IL16: variants seen among roughly 807,000 people sequenced by gnomAD.
IL16 encodes interleukin 16, also known as pro-interleukin-16.
Under a neutral mutation model 110.1 loss-of-function variants are expected in IL16, and 67 were observed. That is an observed-to-expected ratio of 0.61 (90% CI 0.50 to 0.75). The LOEUF (loss-of-function observed/expected upper bound fraction) is 0.75, where lower values mean the gene tolerates loss of function less well. IL16 is among the 30% of genes least tolerant of loss of function. The probability of loss-of-function intolerance (pLI) is 0.00; values close to 1 mark genes in which losing one functional copy is unlikely to be tolerated. For synonymous variants in IL16, 689 were observed against 662.9 expected (o/e 1.04, Z -0.61); for missense variants, 1,545 against 1,655.0 (o/e 0.93, Z 1.15).
Position 81,305,893 on chromosome 15 carries a change from C to CT in IL16, c.3421-12dup. The CT allele has an allele frequency of 6.2e-7, 1 of 1,612,390 alleles. No homozygotes were observed. Among genetic ancestry groups the CT allele is most frequent in the Non-Finnish European group, 8.5e-7 (1 of 1,178,844 alleles). ...TTGTGTGATTTCTGGTCCTGACTTCCTTTGGTTTGCTCAGGTTCACAGAGT... is the reference window on the plus strand; with the variant it reads ...TTGTGTGATTTCTGGTCCTGACTTCCTTTTGGTTTGCTCAGGTTCACAGAGT... On this transcript the variant is annotated splice_polypyrimidine_tract_variant and intron_variant, in intron 16 of 18. Transcript: ENST00000683961.
rs367744921 is a variant in IL16, at chr15:81,204,676, A to G, written c.-102+7524A>G. 7.2e-5 allele frequency among the ~76,000 whole-genome samples: 11 copies of G among 152,214 alleles called. No homozygotes were observed. The East Asian group carries it at 9.7e-4, about 13-fold the overall frequency. Reference sequence around the variant, plus strand: ...TGGGTGCAGCACATCAACATGGCACATGTATACGTATGTAACAAACCTGCA... The same window carrying G: ...TGGGTGCAGCACATCAACATGGCACGTGTATACGTATGTAACAAACCTGCA... On this transcript the variant is annotated intron_variant, in intron 1 of 18. Transcript: ENST00000683961.
chr15:81,251,543 A>G (rs185267660), intron 2 of IL16, among the ~76,000 whole-genome samples: 384 of 152,306 alleles, frequency 2.5e-3, no homozygotes, highest in African/African-American at 8.9e-3. Flanking sequence ...ATTACAAACA[A>G]TGTGATGATG....
intron 4 of IL16, among the ~76,000 whole-genome samples, chr15:81,267,082 G>C (rs1354147310): frequency 6.6e-6 from 1 of 152,160 alleles, no homozygotes; most frequent in Non-Finnish European, 1.5e-5. Context: ...GAGTACACTG[G>C]AGCCCTCCAA....
At chr15:81,250,837 A>G (rs559866902) in intron 2 of IL16, among the ~76,000 whole-genome samples, 30 of 152,158 alleles carry the variant, frequency 2.0e-4, no homozygotes, top group Admixed American at 2.0e-3. Context: ...GAGGGAGGGG[A>G]TTAATTTATT....
chr15:81,296,568 C>T (rs556342965), intron 12 of IL16, among the ~76,000 whole-genome samples: 1 of 152,192 alleles, frequency 6.6e-6, no homozygotes, highest in African/African-American at 2.4e-5. Context: ...CTGCCCTATA[C>T]CCTCCCGGGG....
intron 12 of IL16, 94 bp from the exon 13 acceptor site, chr15:81,296,834 T>C (rs1900007737): frequency 1.8e-6 from 2 of 1,127,450 alleles, no homozygotes; most frequent in African/African-American, 3.1e-5. Flanking sequence ...AGCAGCTCAA[T>C]ATCCGTTTTT....
intron 2 of IL16, among the ~76,000 whole-genome samples, chr15:81,232,955 G>A (rs1312127691): frequency 6.6e-6 from 1 of 152,030 alleles, no homozygotes; most frequent in African/African-American, 2.4e-5. Context: ...TTTTAAAATG[G>A]TTGAAGAATT....
intron 1 of IL16, among the ~76,000 whole-genome samples, chr15:81,203,397 A>T (rs1895894431): frequency 6.6e-6 from 1 of 152,156 alleles, no homozygotes; most frequent in South Asian, 2.1e-4. Flanking sequence ...GTCCTTGCCC[A>T]TGCCTATGTC....
At chr15:81,196,339 T>G (rs900251826), upstream of IL16, among the ~76,000 whole-genome samples, 1 of 152,256 alleles carries the variant, frequency 6.6e-6, no homozygotes, top group Non-Finnish European at 1.5e-5. Context: ...TTTCTTTGTC[T>G]GCAAAGCAGG....
Position 81,261,176 on chromosome 15 carries a change from T to G in IL16, c.421+1296T>G, listed in dbSNP as rs535589087. On this transcript the variant is annotated intron_variant, in intron 3 of 18. Coordinates refer to ENST00000683961, the MANE Select transcript of IL16 (RefSeq NM_172217.5). ...GCTATACAATTGGTAGGACTCACTG[T>G]AAAATGAAAAGGCACGATTGCTGTT... 4.3e-4 allele frequency among the ~76,000 whole-genome samples: 65 copies of G among 152,382 alleles called. 1 individual carries two copies. Among genetic ancestry groups the G allele is most frequent in the African/African-American group, 1.5e-3 (62 of 41,594 alleles).
intron 2 of IL16, among the ~76,000 whole-genome samples, chr15:81,232,042 GTTTTTTTTTTTT>G: frequency 1.4e-4 from 8 of 57,696 alleles, no homozygotes; most frequent in South Asian, 5.7e-4. Flanking sequence ...ATTTGTTCTT[GTTTTTTTTTTTT>G]TTTTTTTTTT....
At chr15:81,243,281 T>C (rs557908986) in intron 2 of IL16, among the ~76,000 whole-genome samples, 79 of 137,402 alleles carry the variant, frequency 5.7e-4, no homozygotes, top group Middle Eastern at 8.8e-3. Flanking sequence ...GCTCAAGAAA[T>C]CCTCCCACCT....
chr15:81,289,209 C>A (rs942202061), intron 10 of IL16, among the ~76,000 whole-genome samples: 1 of 152,154 alleles, frequency 6.6e-6, no homozygotes, highest in African/African-American at 2.4e-5. Flanking sequence ...CGCAGTGGCA[C>A]GATCTTGGCT....
chr15:81,268,253 G>A (rs778628213), intron 4 of IL16, among the ~76,000 whole-genome samples: 1 of 152,216 alleles, frequency 6.6e-6, no homozygotes, highest in Non-Finnish European at 1.5e-5. Context: ...AGAGCAGCTC[G>A]TTATCCAGGG....
Position 81,299,820 on chromosome 15 carries a change from G to T in IL16, c.2494G>T (p.Ala832Ser), listed in dbSNP as rs140746325. ...SREHLGSHIR[A>S]SSSSSSIRQR... ...GGAGCACCTAGGATCACACATCCGG[G>T]CCTCCTCCTCCTCCTCCTCCATCAG... Residue 832 changes from alanine (A) to serine (S), a missense_variant, in exon 14 of 19, where the codon GCC (alanine) becomes TCC (serine). Coordinates refer to ENST00000683961, the MANE Select transcript of IL16 (RefSeq NM_172217.5). 1 of 1,606,350 alleles carries T rather than the reference G, an allele frequency of 6.2e-7. No individual in the cohort carries two copies. Among genetic ancestry groups the T allele is most frequent in the African/African-American group, 1.3e-5 (1 of 74,774 alleles).
At chr15:81,232,784 G>A (rs916973422) in intron 2 of IL16, among the ~76,000 whole-genome samples, 6 of 152,094 alleles carry the variant, frequency 3.9e-5, no homozygotes, top group Non-Finnish European at 7.4e-5. Flanking sequence ...AGTAATTGTT[G>A]CCCCTTGTGT....
At chr15:81,184,454 G>A (rs931809344) in intron 1 of IL16, among the ~76,000 whole-genome samples, 2 of 152,222 alleles carry the variant, frequency 1.3e-5, no homozygotes, top group African/African-American at 4.8e-5. Context: ...ATCTTATGGG[G>A]TTTTGTATCC....
At position 81,262,175 on chromosome 15, in the gene IL16, A is replaced by C; in HGVS notation, c.421+2295A>C. Among the ~76,000 whole-genome samples, 2 of 152,208 alleles carry C rather than the reference A, an allele frequency of 1.3e-5. 1 individual carries two copies. Among genetic ancestry groups the C allele is most frequent in the East Asian group, 3.8e-4 (2 of 5,204 alleles). On this transcript the variant is annotated intron_variant, in intron 3 of 18. Transcript: ENST00000683961. ...TTGCCTATTCTTTACTGAAATAATCATCTTTTTATCATTAATTTATAAAAA... is the reference window on the plus strand; with the variant it reads ...TTGCCTATTCTTTACTGAAATAATCCTCTTTTTATCATTAATTTATAAAAA...
At chr15:81,287,954 G>T (rs142145847) in intron 10 of IL16, among the ~76,000 whole-genome samples, 1 of 152,180 alleles carries the variant, frequency 6.6e-6, no homozygotes, top group Admixed American at 6.5e-5. Flanking sequence ...TTAGGACTAC[G>T]GCAGAAAATC....
Sources: allele counts gnomAD v4.1 joint callset (sites outside exome capture counted in the v4.1 genomes callset), GRCh38; gene constraint gnomAD v4.1.1; transcripts MANE v1.5; gene names NCBI Gene and HGNC (gene_info 2026-07-23, HGNC 2026-07-21).